The following FSIP2 variants were observed in gnomAD, a reference collection of about 807,000 sequenced individuals.
The protein encoded by FSIP2 is fibrous sheath-interacting protein 2.
In FSIP2, 367 loss-of-function variants were observed where a neutral mutation model predicts 510.5. The observed-to-expected ratio is 0.72, with a 90% CI of 0.66 to 0.78. The LOEUF is 0.78. Ranked by LOEUF, FSIP2 falls within the 30% of genes least tolerant of loss-of-function variation. The pLI, the probability that FSIP2 is intolerant of heterozygous loss-of-function variation, is 0.00. For synonymous variants in FSIP2, 2,601 were observed against 2,732.2 expected (o/e 0.95, Z 1.50); for missense variants, 7,594 against 7,901.7 (o/e 0.96, Z 1.48).
rs1559032895 is a variant in FSIP2 at position 185,802,296 on chromosome 2, G to C, written c.12990G>C (p.Glu4330Asp). The C allele has an allele frequency of 6.5e-7, 1 of 1,533,780 alleles. No homozygotes were observed. Among genetic ancestry groups the C allele is most frequent in the Non-Finnish European group, 8.7e-7 (1 of 1,145,330 alleles). The change falls in exon 17 of 23, where the codon GAG becomes GAC. Residue 4330 changes from glutamate (E) to aspartate (D), a missense_variant. Transcript: ENST00000424728. ...GCCCAAAGCATAACACTGAAATTGA[G>C]TTGAAAAACATGACCCAAAGAATAG... ...IFSPKHNTEI[E>D]LKNMTQRIVN... is the part of the protein sequence containing the mutation.
chr2:185,809,011 C>G lies in FSIP2; in HGVS notation c.19705C>G (p.Leu6569Val). The G allele has an allele frequency of 6.2e-7, 1 of 1,612,780 alleles. No individual in the cohort carries two copies. The highest frequency in any genetic ancestry group is 8.5e-7 in the Non-Finnish European group (1 of 1,179,466). ...AAGAACTGGACATAGCATAGCAGAA[C>G]TGAGAAGAGCATCAATAAGTGGGAG... is the stretch of plus-strand genomic sequence containing the variant. Reference protein sequence around the residue: ...LKRTGHSIAELRRASISGRNY... With the variant: ...LKRTGHSIAEVRRASISGRNY... Residue 6569 changes from leucine (L) to valine (V), a missense_variant, in exon 17 of 23, where the codon CTG becomes GTG. Leu to Val is a conservative substitution (Grantham distance 32). Coordinates refer to ENST00000424728, the MANE Select transcript of FSIP2 (RefSeq NM_173651.4).
At position 185,803,504 on chromosome 2, in the gene FSIP2, T is replaced by A. The variant is rs1693489223; in HGVS notation, c.14198T>A (p.Ile4733Asn). Residue 4733 changes from isoleucine (I) to asparagine (N), a missense_variant, in exon 17 of 23, where the codon ATC (isoleucine) becomes AAC (asparagine). Transcript: ENST00000424728. ...ACATTGGCTGCAAGAATAACTAATATCATCCTGGCTGAAATTTTTGATTTC... is the reference window on the plus strand; with the variant it reads ...ACATTGGCTGCAAGAATAACTAATAACATCCTGGCTGAAATTTTTGATTTC... Reference protein sequence around the residue: ...TKTLAARITNIILAEIFDFQI... With the variant: ...TKTLAARITNNILAEIFDFQI... 3 of 1,532,116 alleles carry A rather than the reference T, an allele frequency of 2.0e-6. No individual in the cohort carries two copies. Among genetic ancestry groups the A allele is most frequent in the Admixed American group, 4.0e-5 (2 of 50,624 alleles). The allele number at this position is 1,532,116 out of a possible 1,614,324, so 94.9% of individuals were successfully genotyped here.
At chr2:185,750,155 G>T (rs115906396) in intron 7 of FSIP2, among the ~76,000 whole-genome samples, 2,195 of 151,598 alleles carry the variant, frequency 0.014, 38 homozygotes, top group African/African-American at 0.05. Flanking sequence ...TGGTATCAGG[G>T]TAATGCTGGC....
chr2:185,801,997 A>C lies in FSIP2; in HGVS notation c.12691A>C (p.Ile4231Leu), dbSNP rs1487589518. The part of the protein sequence containing the change: ...ILQMSDSLVS[I>L]QKSIVSRSPI... ...GCAAATGTCTGACTCTCTTGTTTCA[A>C]TACAAAAAAGTATAGTAAGCCGAAG... The change falls in exon 17 of 23, where the codon ATA (isoleucine) becomes CTA (leucine). Residue 4231 changes from isoleucine (I) to leucine (L), a missense_variant. Coordinates refer to ENST00000424728, the MANE Select transcript of FSIP2 (RefSeq NM_173651.4). 6.6e-7 allele frequency: 1 copy of C among 1,524,236 alleles called. No individual in the cohort carries two copies. The highest frequency in any genetic ancestry group is 8.8e-7 in the Non-Finnish European group (1 of 1,141,952). 94.4% of individuals were successfully genotyped at this position (1,524,236 alleles called of 1,614,324 possible).
At chr2:185,828,452 T>C (rs116286196) in intron 21 of FSIP2, among the ~76,000 whole-genome samples, 4 of 151,942 alleles carry the variant, frequency 2.6e-5, no homozygotes, top group Non-Finnish European at 4.4e-5. Context: ...ATATACTCGT[T>C]CTCCCTAGCA....
chr2:185,810,608 T>G (rs1693707249), intron 17 of FSIP2, among the ~76,000 whole-genome samples: 1 of 148,990 alleles, frequency 6.7e-6, no homozygotes, highest in Non-Finnish European at 1.5e-5. Context: ...AGTGGAAGAA[T>G]GTCCTAACAC....
At chr2:185,743,577 T>C (rs1691968434) in intron 3 of FSIP2, among the ~76,000 whole-genome samples, 1 of 152,186 alleles carries the variant, frequency 6.6e-6, no homozygotes, top group African/African-American at 2.4e-5. Context: ...TTCCCACGTG[T>C]ATTATAGCCT....
At position 185,739,426 on chromosome 2, in the gene FSIP2, C is replaced by G; in HGVS notation, c.180C>G (p.Ile60Met). 2 of 1,534,550 alleles carry G rather than the reference C, an allele frequency of 1.3e-6. No individual in the cohort carries two copies. The highest frequency in any genetic ancestry group is 1.7e-6 in the Non-Finnish European group (2 of 1,146,260). The change falls in exon 2 of 23, where the codon ATC becomes ATG. Residue 60 changes from isoleucine to methionine, a missense_variant. By Grantham distance (10) the Ile-to-Met change is conservative. Coordinates refer to ENST00000424728, the MANE Select transcript of FSIP2 (RefSeq NM_173651.4). ...DLPLGVKLPV[I>M]PGSNAVFYTT... ...CTCTCGGGGTCAAGCTGCCTGTGAT[C>G]CCAGGAAGCAATGCTGTATTCTATA... is the stretch of plus-strand genomic sequence containing the variant.
intron 16 of FSIP2, among the ~76,000 whole-genome samples, chr2:185,798,571 A>G (rs1380101362): frequency 2.6e-5 from 4 of 151,836 alleles, no homozygotes; most frequent in African/African-American, 9.7e-5. Context: ...CAGTCCAGAT[A>G]CATCACACAT....
In FSIP2 at chr2:185,792,124, C is replaced by T. The variant is rs1693146400; in HGVS notation, c.4988C>T (p.Ser1663Leu). 1.3e-6 allele frequency: 2 copies of T among 1,533,762 alleles called. No individual in the cohort carries two copies. The highest frequency in any genetic ancestry group is 2.7e-5 in the African/African-American group (2 of 72,872). The change falls in exon 16 of 23, where the codon TCA becomes TTA. Residue 1663 changes from serine to leucine, a missense_variant. Ser to Leu is a moderately radical substitution (Grantham distance 145). Transcript: ENST00000424728. ...VIQTELNVTS[S>L]DLKTSVENPP... ...CAAACAGAATTAAATGTGACCTCAT[C>T]AGATTTGAAGACAAGTGTAGAAAAC...
chr2:185,815,127 G>C (rs1402325105), intron 18 of FSIP2, among the ~76,000 whole-genome samples: 1 of 151,754 alleles, frequency 6.6e-6, no homozygotes, highest in Non-Finnish European at 1.5e-5. Flanking sequence ...CATTGTTCCA[G>C]GTTTATGTTT....
chr2:185,743,311 TTC>T lies in FSIP2; in HGVS notation c.387+19_387+20del. On this transcript the variant is annotated intron_variant, in intron 3 of 22. Coordinates refer to ENST00000424728, the MANE Select transcript of FSIP2 (RefSeq NM_173651.4). ...AATAATAAAGTGGGTTGAAAATTAC[TTC>T]TTTTTTTAATCAATGAAACCCTTTA... 1 of 1,461,476 alleles carries T rather than the reference TTC, an allele frequency of 6.8e-7. No homozygotes were observed. The allele number at this position is 1,461,476 out of a possible 1,614,324, so 90.5% of individuals were successfully genotyped here.
At chr2:185,743,096 G>T (rs1691955537) in intron 2 of FSIP2, 37 bp from the exon 3 acceptor site, 19 of 1,287,562 alleles carry the variant, frequency 1.5e-5, no homozygotes, top group Non-Finnish European at 1.7e-5. Context: ...AAGTGAAAAT[G>T]CATTAATTTT....
chr2:185,808,642 A>G lies in FSIP2; in HGVS notation c.19336A>G (p.Thr6446Ala). The G allele has an allele frequency of 6.2e-7, 1 of 1,605,452 alleles. No homozygotes were observed. Among genetic ancestry groups the G allele is most frequent in the Non-Finnish European group, 8.5e-7 (1 of 1,176,222 alleles). Residue 6446 changes from threonine to alanine, a missense_variant, in exon 17 of 23, where the codon ACA (threonine) becomes GCA (alanine). Thr to Ala is a moderately conservative substitution (Grantham distance 58). Coordinates refer to ENST00000424728, the MANE Select transcript of FSIP2 (RefSeq NM_173651.4). ...AGAATTTTATTATGATATAAAAGATACAAATACAGCCTTTCCTAAAAAAGT... is the reference window on the plus strand; with the variant it reads ...AGAATTTTATTATGATATAAAAGATGCAAATACAGCCTTTCCTAAAAAAGT... ...NKEFYYDIKD[T>A]NTAFPKKVAS...
At chr2:185,757,385 T>C (rs961461057) in intron 9 of FSIP2, among the ~76,000 whole-genome samples, 8 of 151,388 alleles carry the variant, frequency 5.3e-5, no homozygotes, top group African/African-American at 1.7e-4. Flanking sequence ...TTGGGAGAAA[T>C]ATCCTATTGA....
chr2:185,801,726 T>G lies in FSIP2; in HGVS notation c.12420T>G (p.His4140Gln). The G allele has an allele frequency of 2.0e-6, 3 of 1,530,768 alleles. No individual in the cohort carries two copies. Among genetic ancestry groups the G allele is most frequent in the Non-Finnish European group, 1.7e-6 (2 of 1,144,312 alleles). 94.8% of individuals were successfully genotyped at this position (1,530,768 alleles called of 1,614,324 possible). Residue 4140 changes from histidine (H) to glutamine (Q), a missense_variant, in exon 17 of 23, where the codon CAT (histidine) becomes CAG (glutamine). By Grantham distance (24) the His-to-Gln change is conservative. Transcript: ENST00000424728. Reference protein sequence around the residue: ...SSSDYSTMLSHSFLEDVIRRL... With the variant: ...SSSDYSTMLSQSFLEDVIRRL... Reference sequence around the variant, plus strand: ...CAGACTATAGTACCATGTTATCACATTCATTTTTAGAAGATGTCATAAGAA... The same window carrying G: ...CAGACTATAGTACCATGTTATCACAGTCATTTTTAGAAGATGTCATAAGAA...
chr2:185,749,179 A>G (rs975453828), intron 7 of FSIP2, among the ~76,000 whole-genome samples: 3 of 151,874 alleles, frequency 2.0e-5, no homozygotes, highest in African/African-American at 7.3e-5. Context: ...AATTTCTACC[A>G]AAACGTCTTG....
chr2:185,832,599 T>C (rs1382042082), intron 22 of FSIP2, among the ~76,000 whole-genome samples: 1 of 151,684 alleles, frequency 6.6e-6, no homozygotes, highest in African/African-American at 2.4e-5. Context: ...TATAAAATAA[T>C]AATTTTGTTA....
At position 185,782,686 on chromosome 2, in the gene FSIP2, T is replaced by G; in HGVS notation, c.1412-19T>G. On this transcript the variant is annotated intron_variant, in intron 13 of 22. Transcript: ENST00000424728. ...GAGGATGGATACAAACTATGTAATT[T>G]TATTTTTCTGATAAATAGGACCTCA... is the stretch of plus-strand genomic sequence containing the variant. The G allele has an allele frequency of 1.4e-6, 2 of 1,461,588 alleles. No individual in the cohort carries two copies. Among genetic ancestry groups the G allele is most frequent in the Non-Finnish European group, 1.9e-6 (2 of 1,079,012 alleles). The allele number at this position is 1,461,588 out of a possible 1,614,324, so 90.5% of individuals were successfully genotyped here.
Sources: allele counts gnomAD v4.1 joint callset (sites outside exome capture counted in the v4.1 genomes callset), GRCh38; gene constraint gnomAD v4.1.1; transcripts MANE v1.5; gene names NCBI Gene and HGNC (gene_info 2026-07-23, HGNC 2026-07-21).